Variants in ZNF654 observed in about 807,000 individuals in gnomAD.
ZNF654 encodes melanoma-associated antigen.
In ZNF654, 19 loss-of-function variants were observed where a neutral mutation model predicts 95.3. The observed-to-expected ratio is 0.20, with a 90% CI of 0.14 to 0.29. The LOEUF (loss-of-function observed/expected upper bound fraction) is 0.29. Ranked by LOEUF, ZNF654 falls within the 10% of genes least tolerant of loss-of-function variation. The pLI, the probability that ZNF654 is intolerant of heterozygous loss-of-function variation, is 1.00. For missense variants in ZNF654, 1,046 were observed against 1,341.0 expected (o/e 0.78, Z 3.44); for synonymous variants, 413 against 457.9 (o/e 0.90, Z 1.25).
chr3:88,099,065 TGATTGTATATTTAG>T (rs1328009596), intron 2 of ZNF654, among the ~76,000 whole-genome samples: 1 of 152,186 alleles, frequency 6.6e-6, no homozygotes, highest in African/African-American at 2.4e-5. Flanking sequence ...GCAGATGACA[TGATTGTATATTTAG>T]AAAACCCCAT....
At chr3:88,073,025 C>G (rs748343535) in intron 1 of ZNF654, among the ~76,000 whole-genome samples, 5 of 152,116 alleles carry the variant, frequency 3.3e-5, no homozygotes, top group Non-Finnish European at 7.4e-5. Context: ...GGTAGGTGGA[C>G]ATTTTAAGTA....
intron 2 of ZNF654, among the ~76,000 whole-genome samples, chr3:88,103,353 C>T (rs1704544493): frequency 6.6e-6 from 1 of 152,062 alleles, no homozygotes; most frequent in South Asian, 2.1e-4. Flanking sequence ...TGAAGAATGG[C>T]TAAGACCTTC....
chr3:88,075,115 A>G (rs983141925), intron 1 of ZNF654, among the ~76,000 whole-genome samples: 5 of 152,122 alleles, frequency 3.3e-5, no homozygotes, highest in African/African-American at 1.2e-4. Context: ...TTCCTACTTT[A>G]TATTTCCATC....
At chr3:88,068,076 G>A (rs1707305282) in intron 1 of ZNF654, among the ~76,000 whole-genome samples, 1 of 152,088 alleles carries the variant, frequency 6.6e-6, no homozygotes, top group Non-Finnish European at 1.5e-5. Context: ...TTTTGTGGTA[G>A]GAGTAAAGTT....
At chr3:88,063,245 C>T (rs373292102) in intron 1 of ZNF654, among the ~76,000 whole-genome samples, 4 of 152,180 alleles carry the variant, frequency 2.6e-5, no homozygotes, top group South Asian at 2.1e-4. Flanking sequence ...TCAGTAATGC[C>T]GAGGTTGAGA....
chr3:88,131,108 A>G (rs1322410241), intron 6 of ZNF654, among the ~76,000 whole-genome samples: 2 of 152,208 alleles, frequency 1.3e-5, no homozygotes, highest in African/African-American at 2.4e-5. Flanking sequence ...TCTGGGCTAT[A>G]TGATGTAGCC....
At chr3:88,094,967 G>A (rs1301060655) in intron 2 of ZNF654, among the ~76,000 whole-genome samples, 2 of 152,052 alleles carry the variant, frequency 1.3e-5, no homozygotes, top group African/African-American at 4.8e-5. Flanking sequence ...AAACTTATGA[G>A]AAATTATCCC....
chr3:88,140,463 G>C lies in ZNF654; in HGVS notation c.2794G>C (p.Glu932Gln), dbSNP rs745595096. 1 of 1,613,508 alleles carries C rather than the reference G, an allele frequency of 6.2e-7. No individual in the cohort carries two copies. Among genetic ancestry groups the C allele is most frequent in the African/African-American group, 1.3e-5 (1 of 74,874 alleles). The change falls in exon 8 of 9, where the codon GAA (glutamate) becomes CAA (glutamine). Residue 932 changes from glutamate (E) to glutamine (Q), a missense_variant. Glu to Gln is a conservative substitution (Grantham distance 29). This residue lies in a region of ZNF654 where 495 missense variants were observed against 537.0 expected (regional missense o/e 0.92). Coordinates refer to ENST00000636215, the MANE Select transcript of ZNF654 (RefSeq NM_001350134.2). ...TEPKTCIESM[E>Q]KKTDSLVQNG... ...ACCAAAGACATGTATAGAAAGTATG[G>C]AAAAGAAAACAGACAGTTTAGTTCA... is the stretch of plus-strand genomic sequence containing the variant.
chr3:88,099,642 A>T (rs1433528027), intron 2 of ZNF654, among the ~76,000 whole-genome samples: 1 of 152,200 alleles, frequency 6.6e-6, no homozygotes, highest in Non-Finnish European at 1.5e-5. Flanking sequence ...GACCAATGGA[A>T]CAGGACAGAG....
chr3:88,138,424 A>C (rs1173697801), intron 7 of ZNF654, among the ~76,000 whole-genome samples: 2 of 143,768 alleles, frequency 1.4e-5, no homozygotes, highest in African/African-American at 2.5e-5. Flanking sequence ...ATGAATCACC[A>C]TAAGTCCATT....
At chr3:88,073,205 C>T (rs1426562802) in intron 1 of ZNF654, among the ~76,000 whole-genome samples, 3 of 151,966 alleles carry the variant, frequency 2.0e-5, no homozygotes, top group East Asian at 1.9e-4. Context: ...GTACAGAATC[C>T]GGAACTGTGG....
At chr3:88,131,527 A>G (rs1706464767) in intron 6 of ZNF654, among the ~76,000 whole-genome samples, 1 of 152,170 alleles carries the variant, frequency 6.6e-6, no homozygotes, top group Admixed American at 6.5e-5. Context: ...AAACACACAC[A>G]CAAACCCAGA....
chr3:88,087,359 G>A (rs1163035012), intron 2 of ZNF654, among the ~76,000 whole-genome samples: 2 of 152,198 alleles, frequency 1.3e-5, no homozygotes, highest in Admixed American at 1.3e-4. Context: ...ACAGGCGTGA[G>A]CTACCACACC....
intron 1 of ZNF654, among the ~76,000 whole-genome samples, chr3:88,074,451 C>G (rs533046073): frequency 9.9e-5 from 15 of 151,206 alleles, no homozygotes; most frequent in African/African-American, 3.2e-4. Flanking sequence ...AAGCAGCTCT[C>G]CTGCCTCAGC....
At chr3:88,113,026 T>G in intron 2 of ZNF654, 89 bp from the exon 3 acceptor site, 1 of 797,702 alleles carries the variant, frequency 1.3e-6, no homozygotes, top group Non-Finnish European at 1.9e-6. Context: ...AGTCAAATAT[T>G]GATATTAGAT....
intron 2 of ZNF654, among the ~76,000 whole-genome samples, chr3:88,090,567 GAAA>G (rs1405471692): frequency 6.6e-6 from 1 of 152,028 alleles, no homozygotes; most frequent in African/African-American, 2.4e-5. Flanking sequence ...TATTATTAAA[GAAA>G]AAAATTTTTA....
intron 1 of ZNF654, 37 bp downstream of exon 1, chr3:88,059,542 G>C (rs2107570882): frequency 6.9e-7 from 1 of 1,453,912 alleles, no homozygotes; most frequent in Non-Finnish European, 9.0e-7. Context: ...TTGTCACCCG[G>C]GTCCTGGGCC....
intron 3 of ZNF654, among the ~76,000 whole-genome samples, chr3:88,122,265 G>T (rs1428239116): frequency 6.6e-6 from 1 of 152,184 alleles, no homozygotes; most frequent in East Asian, 1.9e-4. Context: ...ATGTGGAAGA[G>T]ACCAGGCTGA....
chr3:88,090,450 AT>A (rs1165278406), intron 2 of ZNF654, among the ~76,000 whole-genome samples: 1 of 152,146 alleles, frequency 6.6e-6, no homozygotes, highest in East Asian at 1.9e-4. Flanking sequence ...TAAAGAGAAA[AT>A]ATTTTTATAC....
Sources: allele counts gnomAD v4.1 joint callset (sites outside exome capture counted in the v4.1 genomes callset), GRCh38; gene constraint gnomAD v4.1.1; regional missense constraint gnomAD v4.1.1; transcripts MANE v1.5; gene names NCBI Gene and HGNC (gene_info 2026-07-23, HGNC 2026-07-21).